Variants in TENM4 observed in about 807,000 individuals in gnomAD.
TENM4 encodes teneurin-4.
TENM4 carries 82 observed loss-of-function variants against 243.3 expected under a neutral mutation model. The observed-to-expected ratio is 0.34, with a 90% CI of 0.28 to 0.40. The LOEUF (loss-of-function observed/expected upper bound fraction) is 0.40. Among genes scored for constraint, TENM4 ranks in the 10% least tolerant of loss-of-function variants. The pLI, the probability that TENM4 is intolerant of heterozygous loss-of-function variation, is 1.00. For synonymous variants in TENM4, 1,412 were observed against 1,456.3 expected, an observed-to-expected ratio of 0.97 and a Z score of 0.69; for missense variants, 3,138 against 3,673.3, an observed-to-expected ratio of 0.85 and a Z score of 3.77.
intron 15 of TENM4, among the ~76,000 whole-genome samples, chr11:78,792,948 A>C (rs756494187): frequency 6.6e-5 from 10 of 152,172 alleles, no homozygotes; most frequent in African/African-American, 2.4e-4. Flanking sequence ...GGGGGTGAAC[A>C]CACGAGGAAG....
chr11:79,404,880 G>A (rs1008183229), intron 1 of TENM4, among the ~76,000 whole-genome samples: 1 of 152,158 alleles, frequency 6.6e-6, no homozygotes, highest in East Asian at 1.9e-4. Context: ...GGGGGTGGGG[G>A]AATAGTAGAC....
At chr11:79,422,456 C>T (rs1469403058) in intron 1 of TENM4, among the ~76,000 whole-genome samples, 1 of 151,982 alleles carries the variant, frequency 6.6e-6, no homozygotes, top group Non-Finnish European at 1.5e-5. Context: ...ATCTATAATA[C>T]CTGTCACCTA....
chr11:78,714,887 T>C (rs1399980143), intron 25 of TENM4, among the ~76,000 whole-genome samples: 2 of 152,232 alleles, frequency 1.3e-5, no homozygotes, highest in African/African-American at 4.8e-5. Context: ...CATCCATTCA[T>C]TGCTGGACGA....
At chr11:79,204,797 G>A (rs181686114) in intron 3 of TENM4, among the ~76,000 whole-genome samples, 37 of 152,198 alleles carry the variant, frequency 2.4e-4, no homozygotes, top group African/African-American at 4.8e-4. Context: ...AAACCTTCAC[G>A]GCAACACGGC....
intron 4 of TENM4, among the ~76,000 whole-genome samples, chr11:79,085,945 T>G (rs1860801426): frequency 6.6e-6 from 1 of 152,182 alleles, no homozygotes; most frequent in South Asian, 2.1e-4. Context: ...ACATCTACTA[T>G]GTACAGTCAC....
chr11:79,431,770 A>T (rs1859173565), intron 1 of TENM4, among the ~76,000 whole-genome samples: 1 of 152,168 alleles, frequency 6.6e-6, no homozygotes, highest in South Asian at 2.1e-4. Context: ...CCAGGAAATG[A>T]ACCCAGTCCT....
intron 6 of TENM4, among the ~76,000 whole-genome samples, chr11:78,990,117 GGT>G (rs1343531255): frequency 1.3e-5 from 2 of 151,760 alleles, no homozygotes; most frequent in African/African-American, 4.8e-5. Context: ...TGGGTCCCAG[GGT>G]CACTTTAGAA....
At chr11:78,989,921 G>C (rs1053675838) in intron 6 of TENM4, among the ~76,000 whole-genome samples, 3 of 151,998 alleles carry the variant, frequency 2.0e-5, no homozygotes, top group African/African-American at 7.2e-5. Context: ...AAAATTAGCC[G>C]AGTGTGGTGG....
intron 19 of TENM4, 98 bp downstream of exon 19, chr11:78,756,707 C>T (rs1856314355): frequency 8.4e-7 from 1 of 1,183,994 alleles, no homozygotes; most frequent in Admixed American, 2.2e-5. Context: ...CTCTCACGTT[C>T]CTGGCTTCCT....
intron 3 of TENM4, among the ~76,000 whole-genome samples, chr11:79,150,379 C>A (rs140999313): frequency 6.6e-6 from 1 of 152,230 alleles, no homozygotes; most frequent in East Asian, 1.9e-4. Context: ...TCAAAGCAGG[C>A]ATGAGTTTAG....
chr11:79,230,788 T>C (rs1383898245), intron 2 of TENM4, among the ~76,000 whole-genome samples: 2 of 152,204 alleles, frequency 1.3e-5, no homozygotes, highest in Admixed American at 1.3e-4. Flanking sequence ...AGATGAGAGC[T>C]ACCAGGTAGA....
chr11:78,761,016 C>T (rs1027344957), intron 18 of TENM4, among the ~76,000 whole-genome samples: 5 of 152,120 alleles, frequency 3.3e-5, no homozygotes, highest in East Asian at 1.9e-4. Flanking sequence ...TTTTATATAT[C>T]GTTTTCTCTC....
rs567932090 is a variant in TENM4, at chr11:78,813,300, G to T, written c.1784-984C>A. Among the ~76,000 whole-genome samples, 7 of 152,300 alleles carry T rather than the reference G, an allele frequency of 4.6e-5. No individual in the cohort carries two copies. In the South Asian group the frequency reaches 1.5e-3, roughly 32 times the overall value. The stretch of plus-strand genomic sequence containing the variant: ...AACAATTTCTCAAGCCTCAGGACTC[G>T]GGTGTAGTGTCACCCTCATTTGGGA... On this transcript the variant is annotated intron_variant, in intron 13 of 33. Transcript: ENST00000278550.
chr11:79,068,062 G>A (rs1010943295), intron 5 of TENM4: 3 of 152,232 alleles, frequency 2.0e-5, no homozygotes, highest in Non-Finnish European at 4.4e-5. Flanking sequence ...AGCCTCATGT[G>A]CTAGGTCCAA....
At chr11:79,351,885 T>A (rs17138171) in intron 1 of TENM4, among the ~76,000 whole-genome samples, 1 of 151,922 alleles carries the variant, frequency 6.6e-6, no homozygotes, top group Non-Finnish European at 1.5e-5. Flanking sequence ...CAAGCCTAGA[T>A]TGGAGCCAAG....
At chr11:78,757,956 C>T (rs996407126) in intron 18 of TENM4, among the ~76,000 whole-genome samples, 1 of 152,194 alleles carries the variant, frequency 6.6e-6, no homozygotes, top group Non-Finnish European at 1.5e-5. Flanking sequence ...CTACTATCTT[C>T]CCAAAGTACA....
Position 78,712,693 on chromosome 11 carries a change from G to A in TENM4, c.3843C>T (p.Tyr1281=). 1.9e-6 allele frequency: 3 copies of A among 1,614,030 alleles called. No homozygotes were observed. Among genetic ancestry groups the A allele is most frequent in the Non-Finnish European group, 2.5e-6 (3 of 1,179,892 alleles). ...CACTCATGGGGTCTGTGGCCAGGTAGTATTTGTGTGCTGGACTGTGACTAG... is the reference window on the plus strand; with the variant it reads ...CACTCATGGGGTCTGTGGCCAGGTAATATTTGTGTGCTGGACTGTGACTAG... ...FRHSHSPAHK[Y]YLATDPMSGA... Residue 1281 remains tyrosine, a synonymous_variant, in exon 26 of 34, where the codon TAC becomes TAT. Transcript: ENST00000278550.
intron 2 of TENM4, among the ~76,000 whole-genome samples, chr11:79,256,814 A>G (rs1204679522): frequency 6.6e-6 from 1 of 152,180 alleles, no homozygotes; most frequent in Non-Finnish European, 1.5e-5. Flanking sequence ...TTCTGGGAAT[A>G]GGGCTTGAGA....
At chr11:79,359,894 C>CT (rs1857562539) in intron 1 of TENM4, among the ~76,000 whole-genome samples, 1 of 152,148 alleles carries the variant, frequency 6.6e-6, no homozygotes, top group African/African-American at 2.4e-5. Flanking sequence ...GCAGGAAGCT[C>CT]TGTCAATCGT....
Sources: gnomAD v4.1 joint callset for allele counts (sites outside exome capture counted in the v4.1 genomes callset) on GRCh38, gnomAD v4.1.1 for gene constraint, MANE v1.5 for transcripts, NCBI Gene and HGNC (gene_info 2026-07-23, HGNC 2026-07-21) for gene names.